The following SLC27A2 variants were observed in gnomAD, a reference collection of about 807,000 sequenced individuals.
SLC27A2 encodes long-chain fatty acid transport protein 2.
Under a neutral mutation model 60.0 loss-of-function variants are expected in SLC27A2, and 54 were observed. The observed-to-expected ratio is 0.90, with a 90% confidence interval of 0.72 to 1.13. The LOEUF (loss-of-function observed/expected upper bound fraction) is 1.13, where lower values mean the gene tolerates loss of function less well. SLC27A2 is among the 50% of genes most tolerant of loss of function. The pLI, the probability that SLC27A2 is intolerant of heterozygous loss-of-function variation, is 0.00. For synonymous variants in SLC27A2, 297 were observed against 297.6 expected, an observed-to-expected ratio of 1.00 and a Z score of 0.02; for missense variants, 739 against 777.6, an observed-to-expected ratio of 0.95 and a Z score of 0.59.
chr15:50,226,981 T>A lies in SLC27A2; in HGVS notation c.1260T>A (p.Gly420=), dbSNP rs2045282784. 2 of 1,613,146 alleles carry A rather than the reference T, an allele frequency of 1.2e-6. No homozygotes were observed. Among genetic ancestry groups the A allele is most frequent in the Non-Finnish European group, 1.7e-6 (2 of 1,179,572 alleles). The change falls in exon 7 of 10, where the codon GGT becomes GGA. Residue 420 remains glycine, a splice_region_variant and synonymous_variant. Coordinates refer to ENST00000267842, the MANE Select transcript of SLC27A2 (RefSeq NM_003645.4). ...ENGYCVRVPK[G]EVGLLVCKIT... is the part of the protein sequence containing the mutation. ...TAAGTTTACTTTCTTCTGTCTTAGG[T>A]GAAGTTGGACTTCTGGTTTGCAAAA...
Position 50,235,920 on chromosome 15 carries a change from G to T in SLC27A2, c.1687G>T (p.Asp563Tyr), listed in dbSNP as rs1446137243. 6.2e-7 allele frequency: 1 copy of T among 1,603,896 alleles called. No homozygotes were observed. The highest frequency in any genetic ancestry group is 1.1e-5 in the South Asian group (1 of 90,138). Reference sequence around the variant, plus strand: ...ATGTGGATTATTTGATGTTTTTCAGGACACCATTGAGATCACTGGAACTTT... The same window carrying T: ...ATGTGGATTATTTGATGTTTTTCAGTACACCATTGAGATCACTGGAACTTT... Reference protein sequence around the residue: ...YARPRFLRIQDTIEITGTFKH... With the variant: ...YARPRFLRIQYTIEITGTFKH... The change falls in exon 10 of 10, where the codon GAC (aspartate) becomes TAC (tyrosine). Residue 563 changes from aspartate (D) to tyrosine (Y), a missense_variant and splice_region_variant. By Grantham distance (160) the Asp-to-Tyr change is radical (BLOSUM62 -3). Transcript: ENST00000267842.
chr15:50,184,674 T>TAA (rs113047135), intron 1 of SLC27A2, among the ~76,000 whole-genome samples: 1 of 141,594 alleles, frequency 7.1e-6, no homozygotes, highest in African/African-American at 2.6e-5. Flanking sequence ...CCGTCTCGAC[T>TAA]AAAAAAAAAA....
rs370276417 is a variant in SLC27A2 at position 50,191,952 on chromosome 15, C to T, written c.479-5548C>T. Among the ~76,000 whole-genome samples the T allele has an allele frequency of 1.5e-4, 23 of 151,400 alleles. No individual in the cohort carries two copies. In the East Asian group the frequency reaches 4.1e-3, roughly 27 times the overall value. On this transcript the variant is annotated intron_variant, in intron 1 of 9. Coordinates refer to ENST00000267842, the MANE Select transcript of SLC27A2 (RefSeq NM_003645.4). The stretch of plus-strand genomic sequence containing the variant: ...ACAGCCGCCTGTAATCCCAGCTACT[C>T]GGGAGGCTGAGGCAGGAGAGCCGCT...
Position 50,211,857 on chromosome 15 carries a change from G to T in SLC27A2, c.972+6494G>T, listed in dbSNP as rs146564924. Among the ~76,000 whole-genome samples, 708 of 151,974 alleles carry T rather than the reference G, an allele frequency of 4.7e-3. 3 individuals are homozygous for T. Among genetic ancestry groups the T allele is most frequent in the African/African-American group, 0.016 (674 of 41,450 alleles). ...GAGGCTGAGGCAGGCAGATCACAAG[G>T]TCGGGAGATTGAGACCATCCTGGCT... On this transcript the variant is annotated intron_variant, in intron 4 of 9. Coordinates refer to ENST00000267842, the MANE Select transcript of SLC27A2 (RefSeq NM_003645.4).
intron 9 of SLC27A2, among the ~76,000 whole-genome samples, chr15:50,234,597 A>C (rs2045338281): frequency 6.6e-6 from 1 of 151,496 alleles, no homozygotes; most frequent in Non-Finnish European, 1.5e-5. Context: ...CAAAAAAAAA[A>C]AAAAAAAAAA....
intron 3 of SLC27A2, among the ~76,000 whole-genome samples, chr15:50,204,871 T>C (rs2045098382): frequency 1.4e-5 from 2 of 148,090 alleles, no homozygotes; most frequent in Admixed American, 1.4e-4. Context: ...ATATATATAC[T>C]TGAGACAGAG....
chr15:50,189,876 T>C (rs549149818), intron 1 of SLC27A2, among the ~76,000 whole-genome samples: 3 of 152,332 alleles, frequency 2.0e-5, no homozygotes, highest in African/African-American at 7.2e-5. Flanking sequence ...TGATAAGGAA[T>C]TACCTTTGAT....
intron 7 of SLC27A2, among the ~76,000 whole-genome samples, 158 bp downstream of exon 7, chr15:50,227,336 G>A (rs1201271341): frequency 6.6e-6 from 1 of 152,228 alleles, no homozygotes; most frequent in East Asian, 1.9e-4. Context: ...GGAATGAAGT[G>A]CATGAAGTGT....
chr15:50,204,451 G>A (rs565732926), intron 3 of SLC27A2, among the ~76,000 whole-genome samples: 1 of 150,856 alleles, frequency 6.6e-6, no homozygotes, highest in African/African-American at 2.4e-5. Flanking sequence ...AGTGAGACCC[G>A]GGCCAGGTAC....
At chr15:50,220,777 T>A (rs2140910414) in intron 4 of SLC27A2, among the ~76,000 whole-genome samples, 1 of 152,136 alleles carries the variant, frequency 6.6e-6, no homozygotes, top group East Asian at 1.9e-4. Context: ...GTGAAGGTAA[T>A]GAAAGATAAC....
intron 1 of SLC27A2, among the ~76,000 whole-genome samples, chr15:50,183,593 C>T (rs2044891008): frequency 6.6e-6 from 1 of 152,180 alleles, no homozygotes; most frequent in Non-Finnish European, 1.5e-5. Context: ...TTAGCTCCTG[C>T]CACATTTCAG....
intron 4 of SLC27A2, among the ~76,000 whole-genome samples, chr15:50,214,402 T>C (rs2045180308): frequency 6.6e-6 from 1 of 152,138 alleles, no homozygotes; most frequent in Non-Finnish European, 1.5e-5. Flanking sequence ...AAAGAAGAAT[T>C]GGTACCAATT....
rs186505838 is a variant in SLC27A2 at position 50,236,348 on chromosome 15, T to A, written c.*252T>A. The A allele has an allele frequency of 6.2e-4, 216 of 350,962 alleles. No homozygotes were observed. The highest frequency in any genetic ancestry group is 4.2e-3 in the African/African-American group (203 of 47,800). 21.7% of individuals were successfully genotyped at this position (350,962 alleles called of 1,614,324 possible). A position where few individuals can be genotyped will look rare whatever the true frequency, so the allele number is the denominator to read the frequency against. On this transcript the variant is annotated 3_prime_UTR_variant, in exon 10 of 10. Coordinates refer to ENST00000267842, the MANE Select transcript of SLC27A2 (RefSeq NM_003645.4). ...TTGTTGGAGGGAAGGCATTATTTTT[T>A]AAAATACTTAGTAAATTAAATGAAC...
At chr15:50,230,964 G>A (rs560278413) in intron 8 of SLC27A2, among the ~76,000 whole-genome samples, 2 of 152,016 alleles carry the variant, frequency 1.3e-5, no homozygotes, top group Non-Finnish European at 2.9e-5. Flanking sequence ...GGCCCACCCC[G>A]AACTACCAAG....
chr15:50,223,427 A>T (rs371785332), intron 5 of SLC27A2, among the ~76,000 whole-genome samples: 1 of 152,252 alleles, frequency 6.6e-6, no homozygotes, highest in East Asian at 1.9e-4. Context: ...GATGCCATTT[A>T]TACTTGCATG....
At chr15:50,206,621 A>G (rs1360310681) in intron 4 of SLC27A2, among the ~76,000 whole-genome samples, 1 of 152,060 alleles carries the variant, frequency 6.6e-6, no homozygotes, top group Non-Finnish European at 1.5e-5. Flanking sequence ...ACTGCATTTC[A>G]TGGCACCTGT....
chr15:50,182,380 C>T lies in SLC27A2; in HGVS notation c.-48C>T, dbSNP rs776578239. On this transcript the variant is annotated 5_prime_UTR_variant, in exon 1 of 10. Transcript: ENST00000267842. ...CCGCCCAGTCGCCGCGCTGCACGCC[C>T]GGGGTGAACCCTCTGCCCTCGCTGG... The T allele has an allele frequency of 2.7e-6, 4 of 1,481,482 alleles. No homozygotes were observed. Among genetic ancestry groups the T allele is most frequent in the Non-Finnish European group, 2.7e-6 (3 of 1,117,998 alleles). The allele number at this position is 1,481,482 out of a possible 1,614,324, so 91.8% of individuals were successfully genotyped here. A position where few individuals can be genotyped will look rare whatever the true frequency, so the allele number is the denominator to read the frequency against.
intron 4 of SLC27A2, among the ~76,000 whole-genome samples, chr15:50,222,504 TG>T (rs1381110427): frequency 6.6e-6 from 1 of 152,244 alleles, no homozygotes; most frequent in African/African-American, 2.4e-5. Flanking sequence ...AGGGTCCCAC[TG>T]GTAGTAGATT....
chr15:50,191,937 G>A (rs1469176731), intron 1 of SLC27A2, among the ~76,000 whole-genome samples: 1 of 151,934 alleles, frequency 6.6e-6, no homozygotes, highest in Non-Finnish European at 1.5e-5. Flanking sequence ...ACAGCCGCCT[G>A]TAATCCCAGC....
Sources: gnomAD v4.1 joint callset for allele counts (sites outside exome capture counted in the v4.1 genomes callset) on GRCh38, gnomAD v4.1.1 for gene constraint, MANE v1.5 for transcripts, NCBI Gene and HGNC (gene_info 2026-07-23, HGNC 2026-07-21) for gene names.